ACSS3: variants seen among roughly 807,000 people sequenced by gnomAD.
The protein encoded by ACSS3 is acyl-CoA synthetase short-chain family member 3, mitochondrial.
ACSS3 carries 64 observed loss-of-function variants against 84.2 expected under a neutral mutation model. The ratio of observed to expected loss-of-function variants is 0.76; its 90% confidence interval spans 0.62 to 0.94. ACSS3 has a LOEUF of 0.94. ACSS3 is among the 40% of genes least tolerant of loss of function. ACSS3 has a pLI of 0.00. For synonymous variants in ACSS3, 317 were observed against 310.1 expected (o/e 1.02, Z -0.23); for missense variants, 815 against 867.6 (o/e 0.94, Z 0.76).
chr12:81,168,290 T>C (rs750092010), intron 7 of ACSS3, among the ~76,000 whole-genome samples: 6 of 152,112 alleles, frequency 3.9e-5, no homozygotes, highest in Non-Finnish European at 7.4e-5. Context: ...CAGTAGAAAA[T>C]CTTTAAGGAG....
rs775246166 is a variant in ACSS3 at position 81,222,712 on chromosome 12, G to A, written c.1514+2636G>A. On this transcript the variant is annotated intron_variant, in intron 11 of 15. Transcript: ENST00000548058. ...TCTACATTCTTCTTTATGACAGTCC[G>A]CAAATCACTGATTTGTTCTCCTGGG... Among the ~76,000 whole-genome samples the A allele has an allele frequency of 7.2e-4, 109 of 152,044 alleles. 1 individual carries two copies. Among genetic ancestry groups the A allele is most frequent in the Admixed American group, 2.6e-4 (4 of 15,228 alleles).
intron 11 of ACSS3, among the ~76,000 whole-genome samples, chr12:81,227,612 C>T (rs1308332548): frequency 6.6e-6 from 1 of 151,870 alleles, no homozygotes; most frequent in Non-Finnish European, 1.5e-5. Flanking sequence ...GTACGTTGGT[C>T]ACACAGCATG....
At chr12:81,159,425 C>T (rs2135778397) in intron 7 of ACSS3, among the ~76,000 whole-genome samples, 1 of 152,212 alleles carries the variant, frequency 6.6e-6, no homozygotes, top group Non-Finnish European at 1.5e-5. Flanking sequence ...TTACTTTTAT[C>T]AATGGAATTG....
intron 9 of ACSS3, among the ~76,000 whole-genome samples, chr12:81,211,308 G>A (rs919524909): frequency 2.9e-4 from 44 of 151,992 alleles, no homozygotes; most frequent in African/African-American, 1.1e-3. Context: ...GTGGATACAT[G>A]ATGTATATAT....
chr12:81,228,974 T>A (rs1377060038), intron 11 of ACSS3, among the ~76,000 whole-genome samples: 1 of 151,812 alleles, frequency 6.6e-6, no homozygotes, highest in African/African-American at 2.4e-5. Context: ...GGATCAGCAC[T>A]CCTGTATACC....
intron 2 of ACSS3, among the ~76,000 whole-genome samples, chr12:81,124,966 G>A (rs2574749): frequency 0.49 from 74,293 of 152,148 alleles, 18,384 homozygotes; most frequent in East Asian, 0.62. Context: ...TGTAATCCCA[G>A]CACTTTGGGA....
chr12:81,196,285 T>C (rs887259491), intron 8 of ACSS3, among the ~76,000 whole-genome samples: 2 of 152,190 alleles, frequency 1.3e-5, no homozygotes, highest in African/African-American at 4.8e-5. Flanking sequence ...CATGTGGTTA[T>C]TGAACTCTTG....
chr12:81,128,299 C>T (rs1284191726), intron 2 of ACSS3, among the ~76,000 whole-genome samples: 2 of 152,034 alleles, frequency 1.3e-5, no homozygotes, highest in Non-Finnish European at 2.9e-5. Flanking sequence ...ATAAATTGAA[C>T]CAATGACAGG....
At chr12:81,148,682 G>A (rs1411318321) in intron 5 of ACSS3, among the ~76,000 whole-genome samples, 1 of 151,942 alleles carries the variant, frequency 6.6e-6, no homozygotes, top group Non-Finnish European at 1.5e-5. Flanking sequence ...CCAAAAGATC[G>A]GAACAGCATA....
At chr12:81,165,676 T>A (rs552396538) in intron 7 of ACSS3, among the ~76,000 whole-genome samples, 19 of 151,948 alleles carry the variant, frequency 1.3e-4, no homozygotes, top group African/African-American at 4.3e-4. Context: ...TAATATAAAG[T>A]ACAGAAAGCA....
intron 13 of ACSS3, among the ~76,000 whole-genome samples, chr12:81,240,678 A>G (rs1017778705): frequency 6.6e-6 from 1 of 151,596 alleles, no homozygotes; most frequent in Non-Finnish European, 1.5e-5. Flanking sequence ...ATATTATTTC[A>G]TTTTGCTCTC....
intron 1 of ACSS3, among the ~76,000 whole-genome samples, chr12:81,103,262 G>T (rs1593045715): frequency 6.6e-6 from 1 of 152,136 alleles, no homozygotes; most frequent in Admixed American, 6.6e-5. Context: ...TTTGTATATA[G>T]AAAGAATAGG....
At chr12:81,221,500 A>G (rs1192347235) in intron 11 of ACSS3, among the ~76,000 whole-genome samples, 4 of 152,106 alleles carry the variant, frequency 2.6e-5, no homozygotes, top group Non-Finnish European at 5.9e-5. Context: ...AGATATTTTA[A>G]CTATATAGAA....
chr12:81,168,370 T>C (rs73154952), intron 7 of ACSS3, among the ~76,000 whole-genome samples: 5,335 of 152,260 alleles, frequency 0.035, 122 homozygotes, highest in Non-Finnish European at 0.052. Flanking sequence ...TAGAATCCCA[T>C]AGAAGCTATT....
intron 2 of ACSS3, among the ~76,000 whole-genome samples, chr12:81,111,127 A>G (rs947766250): frequency 2.0e-5 from 3 of 152,134 alleles, no homozygotes; most frequent in Non-Finnish European, 4.4e-5. Context: ...TGATTTAAAC[A>G]TAAAAAAAGA....
At chr12:81,107,511 CATAT>C (rs566270568) in intron 1 of ACSS3, among the ~76,000 whole-genome samples, 1,314 of 38,460 alleles carry the variant, frequency 0.034, 25 homozygotes, top group South Asian at 0.077. Context: ...CAAATATATA[CATAT>C]ATATATATAT....
intron 11 of ACSS3, among the ~76,000 whole-genome samples, chr12:81,225,969 C>T (rs887204419): frequency 6.6e-6 from 1 of 151,952 alleles, no homozygotes; most frequent in African/African-American, 2.4e-5. Context: ...CTTTCTCATA[C>T]TAAATCAACC....
chr12:81,111,136 G>T (rs1388355476), intron 2 of ACSS3, among the ~76,000 whole-genome samples: 1 of 152,080 alleles, frequency 6.6e-6, no homozygotes. Context: ...CATAAAAAAA[G>T]ACCTTATGAA....
intron 7 of ACSS3, 198 bp from the exon 8 acceptor site, chr12:81,174,590 A>G (rs1469893294): frequency 2.0e-6 from 1 of 489,526 alleles, no homozygotes; most frequent in Non-Finnish European, 3.4e-6. Context: ...TTAGGATACT[A>G]AAATGGAGCA....
Sources: gnomAD v4.1 joint callset for allele counts (sites outside exome capture counted in the v4.1 genomes callset) on GRCh38, gnomAD v4.1.1 for gene constraint, MANE v1.5 for transcripts, NCBI Gene and HGNC (gene_info 2026-07-23, HGNC 2026-07-21) for gene names.